The following MUSK variants were observed in gnomAD, a reference collection of about 807,000 sequenced individuals.
The protein encoded by MUSK is muscle associated receptor tyrosine kinase.
MUSK carries 55 observed loss-of-function variants against 88.7 expected under a neutral mutation model. The observed-to-expected ratio is 0.62, with a 90% CI of 0.50 to 0.78. The LOEUF is 0.78. Among genes scored for constraint, MUSK ranks in the 30% least tolerant of loss-of-function variants. The pLI, the probability that MUSK is intolerant of heterozygous loss-of-function variation, is 0.00. For missense variants in MUSK, 1,015 were observed against 1,074.3 expected, an observed-to-expected ratio of 0.94 and a Z score of 0.77; for synonymous variants, 387 against 391.9, an observed-to-expected ratio of 0.99 and a Z score of 0.15.
chr9:110,733,288 CT>C (rs2076987259), intron 5 of MUSK, among the ~76,000 whole-genome samples: 1 of 152,074 alleles, frequency 6.6e-6, no homozygotes, highest in Admixed American at 6.6e-5. Context: ...TTCTTGTTAC[CT>C]TGGGAAACCA....
intron 7 of MUSK, among the ~76,000 whole-genome samples, chr9:110,755,941 T>TATATAC (rs1554750782): frequency 0.021 from 1,575 of 75,808 alleles, 92 homozygotes; most frequent in Middle Eastern, 0.033. Context: ...TACATATATA[T>TATATAC]ATATATATAC....
rs184377408 is a variant in MUSK, at chr9:110,677,264, C to T, written c.80-5410C>T. On this transcript the variant is annotated intron_variant, in intron 1 of 14. Coordinates refer to ENST00000374448, the MANE Select transcript of MUSK (RefSeq NM_005592.4). ...AAACTCTGCTGCAAAAAGATGTCTTCCCTCTCCTCTTAGTTTCCACTTCCT... is the reference window on the plus strand; with the variant it reads ...AAACTCTGCTGCAAAAAGATGTCTTTCCTCTCCTCTTAGTTTCCACTTCCT... Among the ~76,000 whole-genome samples the T allele has an allele frequency of 2.3e-3, 353 of 152,312 alleles. 5 individuals carry two copies. Among genetic ancestry groups the T allele is most frequent in the South Asian group, 0.022 (104 of 4,830 alleles).
At chr9:110,784,243 G>A (rs931069219) in intron 11 of MUSK, among the ~76,000 whole-genome samples, 7 of 152,146 alleles carry the variant, frequency 4.6e-5, no homozygotes, top group Admixed American at 2.6e-4. Flanking sequence ...TCTACAAATA[G>A]TGGTATGAGT....
chr9:110,681,029 T>TAATTA (rs1564209366), intron 1 of MUSK, among the ~76,000 whole-genome samples: 1 of 10,824 alleles, frequency 9.2e-5, no homozygotes, highest in Admixed American at 7.2e-4. Flanking sequence ...ATATTATATA[T>TAATTA]TATATATTAT....
intron 1 of MUSK, among the ~76,000 whole-genome samples, chr9:110,671,771 A>T (rs2075959897): frequency 6.6e-6 from 1 of 152,160 alleles, no homozygotes; most frequent in Admixed American, 6.5e-5. Flanking sequence ...ATAACATTTA[A>T]TGCTTTATTA....
At chr9:110,726,553 G>A (rs996166329) in intron 5 of MUSK, among the ~76,000 whole-genome samples, 1 of 151,906 alleles carries the variant, frequency 6.6e-6, no homozygotes, top group Non-Finnish European at 1.5e-5. Context: ...AATGACAAGT[G>A]AATATAATTC....
chr9:110,738,032 A>C (rs1564255759), intron 6 of MUSK, among the ~76,000 whole-genome samples: 1 of 152,138 alleles, frequency 6.6e-6, no homozygotes, highest in Non-Finnish European at 1.5e-5. Context: ...GCTCCTGCTT[A>C]CAGCCCCTGC....
At chr9:110,770,005 C>A (rs2077545242) in intron 9 of MUSK, among the ~76,000 whole-genome samples, 1 of 151,934 alleles carries the variant, frequency 6.6e-6, no homozygotes, top group Non-Finnish European at 1.5e-5. Flanking sequence ...TTGCTAAAAC[C>A]CAGAAAGTTG....
intron 12 of MUSK, 93 bp from the exon 13 acceptor site, chr9:110,785,434 T>C (rs1350307434): frequency 2.7e-6 from 3 of 1,106,990 alleles, no homozygotes; most frequent in African/African-American, 3.2e-5. Flanking sequence ...TTTTCATTAC[T>C]CTTAAATGCC....
At chr9:110,686,759 C>A (rs1455610260) in intron 2 of MUSK, among the ~76,000 whole-genome samples, 2 of 152,072 alleles carry the variant, frequency 1.3e-5, no homozygotes, top group Admixed American at 1.3e-4. Context: ...TATGCATGTT[C>A]TTTATCTATT....
intron 6 of MUSK, among the ~76,000 whole-genome samples, chr9:110,737,155 C>T (rs1366225803): frequency 1.3e-5 from 2 of 151,876 alleles, no homozygotes; most frequent in South Asian, 2.1e-4. Context: ...AATTTTCTCA[C>T]TGTGTAGCTT....
chr9:110,778,598 G>C (rs747014692), intron 11 of MUSK, among the ~76,000 whole-genome samples: 1 of 151,758 alleles, frequency 6.6e-6, no homozygotes, highest in East Asian at 1.9e-4. Context: ...TACTATGAAC[G>C]TCCTCCATTT....
intron 5 of MUSK, among the ~76,000 whole-genome samples, chr9:110,717,546 G>T (rs2076759373): frequency 6.7e-6 from 1 of 149,744 alleles, no homozygotes; most frequent in South Asian, 2.1e-4. Flanking sequence ...GCCACCAATT[G>T]CTGTGTTCAT....
At chr9:110,755,997 TGA>T (rs1353518460) in intron 7 of MUSK, among the ~76,000 whole-genome samples, 11 of 141,816 alleles carry the variant, frequency 7.8e-5, no homozygotes, top group Middle Eastern at 3.8e-3. Context: ...TATATATATA[TGA>T]ATTTATTTAA....
At position 110,774,866 on chromosome 9, in the gene MUSK, T is replaced by TATACAC. The variant is rs371440047; in HGVS notation, c.1185-921_1185-920insTACACA. 6.8e-3 allele frequency among the ~76,000 whole-genome samples: 950 copies of TATACAC among 139,034 alleles called. 7 individuals are homozygous for TATACAC. The highest frequency in any genetic ancestry group is 0.014 in the East Asian group (67 of 4,752). 91.2% of individuals were successfully genotyped at this position (139,034 alleles called of 152,430 possible). ...AAAAGACACCATTGTGGCATATATA[T>TATACAC]ACACACACACACACACACACACACA... On this transcript the variant is annotated intron_variant, in intron 9 of 14. Coordinates refer to ENST00000374448, the MANE Select transcript of MUSK (RefSeq NM_005592.4).
intron 3 of MUSK, among the ~76,000 whole-genome samples, chr9:110,695,193 C>T (rs1457920340): frequency 6.6e-6 from 1 of 152,126 alleles, no homozygotes; most frequent in Non-Finnish European, 1.5e-5. Flanking sequence ...TAGTAAGATT[C>T]TAATAAAGCA....
chr9:110,803,595 T>C lies in MUSK; in HGVS notation c.*2607T>C, dbSNP rs2078124053. On this transcript the variant is annotated 3_prime_UTR_variant, in exon 15 of 15. Transcript: ENST00000374448. ...TCGTTTCAAGCACACTCTATATCTA[T>C]ATTTTATTCTATTAACTTCCTAAGT... 6.6e-6 allele frequency among the ~76,000 whole-genome samples: 1 copy of C among 152,192 alleles called. No homozygotes were observed. The highest frequency in any genetic ancestry group is 6.5e-5 in the Admixed American group (1 of 15,290).
chr9:110,671,393 C>A (rs560161832), intron 1 of MUSK, among the ~76,000 whole-genome samples: 1 of 152,278 alleles, frequency 6.6e-6, no homozygotes, highest in South Asian at 2.1e-4. Context: ...TAATATACTT[C>A]TTCCTAAGTC....
At chr9:110,721,809 T>A (rs1013334716) in intron 5 of MUSK, among the ~76,000 whole-genome samples, 17 of 151,774 alleles carry the variant, frequency 1.1e-4, no homozygotes, top group African/African-American at 3.9e-4. Flanking sequence ...AAAGAACAAA[T>A]CTGGATGCAT....
Sources: allele counts gnomAD v4.1 joint callset (sites outside exome capture counted in the v4.1 genomes callset), GRCh38; gene constraint gnomAD v4.1.1; transcripts MANE v1.5; gene names NCBI Gene and HGNC (gene_info 2026-07-23, HGNC 2026-07-21).